MTREX: variants seen among roughly 807,000 people sequenced by gnomAD.
The protein encoded by MTREX is exosome RNA helicase MTR4.
A neutral mutation model predicts 135.4 loss-of-function variants in MTREX; 76 were observed. The ratio of observed to expected loss-of-function variants is 0.56; its 90% CI spans 0.47 to 0.68. MTREX has a LOEUF of 0.68. Ranked by LOEUF, MTREX falls within the 30% of genes least tolerant of loss-of-function variation. The probability of loss-of-function intolerance (pLI) is 0.00; values close to 1 mark genes in which losing one functional copy is unlikely to be tolerated. For synonymous variants in MTREX, 404 were observed against 401.6 expected (o/e 1.01, Z -0.07); for missense variants, 920 against 1,262.1 (o/e 0.73, Z 4.11).
chr5:55,378,619 AT>A, intron 17 of MTREX, 133 bp downstream of exon 17: 2 of 1,067,248 alleles, frequency 1.9e-6, no homozygotes, highest in Non-Finnish European at 2.6e-6. Flanking sequence ...TAATCATATT[AT>A]TTTACCTGTT....
At chr5:55,373,560 A>G (rs1263048509) in intron 16 of MTREX, among the ~76,000 whole-genome samples, 4 of 152,064 alleles carry the variant, frequency 2.6e-5, no homozygotes, top group Admixed American at 2.0e-4. Context: ...TTTTTTATCT[A>G]TTTTTAAAAA....
At chr5:55,353,141 T>C in intron 13 of MTREX, 27 bp from the exon 14 acceptor site, 1 of 1,455,996 alleles carries the variant, frequency 6.9e-7, no homozygotes, top group East Asian at 2.4e-5. Context: ...AATACATGTT[T>C]AATTATAGAA....
intron 1 of MTREX, among the ~76,000 whole-genome samples, chr5:55,321,758 G>T (rs900436606): frequency 3.3e-5 from 5 of 151,900 alleles, no homozygotes; most frequent in African/African-American, 1.2e-4. Context: ...ACAGGCATGC[G>T]CCATCATACC....
At chr5:55,387,538 T>C (rs1750497656) in intron 18 of MTREX, among the ~76,000 whole-genome samples, 1 of 152,122 alleles carries the variant, frequency 6.6e-6, no homozygotes, top group African/African-American at 2.4e-5. Flanking sequence ...TTCAGAATTA[T>C]AGTTTTATTA....
chr5:55,410,206 T>C (rs1041148579), intron 22 of MTREX, among the ~76,000 whole-genome samples: 1 of 152,038 alleles, frequency 6.6e-6, no homozygotes, highest in African/African-American at 2.4e-5. Flanking sequence ...ATTAAAAGAG[T>C]CCTTTGGCCC....
In MTREX at chr5:55,344,546, T is replaced by G; in HGVS notation, c.931T>G (p.Tyr311Asp). 6.2e-7 allele frequency: 1 copy of G among 1,611,174 alleles called. No individual in the cohort carries two copies. Among genetic ancestry groups the G allele is most frequent in the Non-Finnish European group, 8.5e-7 (1 of 1,177,744 alleles). The change falls in exon 9 of 27, where the codon TAT becomes GAT. Residue 311 changes from tyrosine (Y) to aspartate (D), a missense_variant. Tyr to Asp is a radical substitution (Grantham distance 160). Around this residue, in one of 6 missense-constraint regions of MTREX, gnomAD observed 88 missense variants for 202.5 expected, o/e 0.43. Transcript: ENST00000230640. ...KQPCHVIYTDYRPTPLQHYIF... is the reference protein window; with the variant it reads ...KQPCHVIYTDDRPTPLQHYIF... The stretch of plus-strand genomic sequence containing the variant: ...GCCTTGTCATGTTATTTACACAGAT[T>G]ATCGGCCCACTCCATTGCAACACTA...
chr5:55,338,154 T>C (rs1749584067), intron 5 of MTREX, among the ~76,000 whole-genome samples: 1 of 152,134 alleles, frequency 6.6e-6, no homozygotes, highest in East Asian at 1.9e-4. Context: ...ACATACATAG[T>C]CTTAATTGTT....
chr5:55,346,994 T>C lies in MTREX; in HGVS notation c.1109-19T>C. The C allele has an allele frequency of 6.3e-7, 1 of 1,591,372 alleles. No homozygotes were observed. The highest frequency in any genetic ancestry group is 8.5e-7 in the Non-Finnish European group (1 of 1,171,376). ...TCTATTTTGAGTTAATTTTGGTGTGTTGTTTACTGTTTTTGCAGGACCATC... is the reference window on the plus strand; with the variant it reads ...TCTATTTTGAGTTAATTTTGGTGTGCTGTTTACTGTTTTTGCAGGACCATC... On this transcript the variant is annotated intron_variant, in intron 10 of 26. Coordinates refer to ENST00000230640, the MANE Select transcript of MTREX (RefSeq NM_015360.5).
Position 55,424,736 on chromosome 5 carries a change from G to T in MTREX, c.3093G>T (p.Lys1031Asn). ...TTCTCTTAGGAATCACCAAAATCAA[G>T]AGAGATATTGTGTTTGCTGCCAGCC... ...NKFAEGITKI[K>N]RDIVFAASLY... Residue 1031 changes from lysine to asparagine, a missense_variant, in exon 27 of 27, where the codon AAG becomes AAT. Lys to Asn is a moderately conservative substitution (Grantham distance 94, BLOSUM62 0). Around this residue, in one of 6 missense-constraint regions of MTREX, gnomAD observed 467 missense variants for 589.7 expected, o/e 0.79. Coordinates refer to ENST00000230640, the MANE Select transcript of MTREX (RefSeq NM_015360.5). The T allele has an allele frequency of 6.2e-7, 1 of 1,612,252 alleles. No individual in the cohort carries two copies. Among genetic ancestry groups the T allele is most frequent in the South Asian group, 1.1e-5 (1 of 91,012 alleles).
chr5:55,328,218 C>T (rs62359232), intron 4 of MTREX, among the ~76,000 whole-genome samples: 19,507 of 151,970 alleles, frequency 0.13, 1,484 homozygotes, highest in East Asian at 0.26. Flanking sequence ...ATAAAAAAGG[C>T]GGTATGGTAG....
intron 5 of MTREX, among the ~76,000 whole-genome samples, chr5:55,337,016 A>C (rs986295005): frequency 6.6e-6 from 1 of 152,216 alleles, no homozygotes; most frequent in African/African-American, 2.4e-5. Flanking sequence ...AGAATTTACT[A>C]GTGAAGCCAT....
chr5:55,336,949 T>G (rs181159948), intron 5 of MTREX, among the ~76,000 whole-genome samples: 1 of 152,346 alleles, frequency 6.6e-6, no homozygotes, highest in East Asian at 1.9e-4. Flanking sequence ...TAGTGTTGCC[T>G]CCTGGTCTGT....
At chr5:55,377,227 T>TGAAGCAG (rs761945247) in intron 16 of MTREX, among the ~76,000 whole-genome samples, 101 of 151,974 alleles carry the variant, frequency 6.6e-4, no homozygotes, top group Non-Finnish European at 1.2e-3. Flanking sequence ...CTCGGGAGGC[T>TGAAGCAG]GAAGCAGGAG....
chr5:55,312,147 TTC>T (rs1227580808), intron 1 of MTREX, among the ~76,000 whole-genome samples: 1 of 152,172 alleles, frequency 6.6e-6, no homozygotes, highest in Non-Finnish European at 1.5e-5. Context: ...AGTGGCGATT[TTC>T]TGTTTTTATC....
chr5:55,376,389 C>A (rs1342594262), intron 16 of MTREX, among the ~76,000 whole-genome samples: 1 of 152,100 alleles, frequency 6.6e-6, no homozygotes, highest in African/African-American at 2.4e-5. Flanking sequence ...CATTGATTTG[C>A]CAATTTTTGA....
chr5:55,363,823 A>G (rs1418557834), intron 15 of MTREX, among the ~76,000 whole-genome samples: 2 of 152,192 alleles, frequency 1.3e-5, no homozygotes, highest in African/African-American at 4.8e-5. Flanking sequence ...GAGACAGAAA[A>G]CTGTTATGAA....
At chr5:55,385,201 G>A (rs1023361784) in intron 18 of MTREX, among the ~76,000 whole-genome samples, 6 of 152,206 alleles carry the variant, frequency 3.9e-5, no homozygotes, top group African/African-American at 1.2e-4. Flanking sequence ...TGCTTTAGAA[G>A]CAGGGGCATA....
At chr5:55,375,882 C>T (rs566565720) in intron 16 of MTREX, among the ~76,000 whole-genome samples, 4 of 152,300 alleles carry the variant, frequency 2.6e-5, no homozygotes, top group South Asian at 2.1e-4. Context: ...CTGGTCCCTC[C>T]GTTTGGGGTC....
At chr5:55,360,148 T>A (rs1387287461) in intron 15 of MTREX, among the ~76,000 whole-genome samples, 2 of 152,212 alleles carry the variant, frequency 1.3e-5, no homozygotes, top group African/African-American at 4.8e-5. Flanking sequence ...TTGCTTTCTG[T>A]CTCTATGGAT....
Sources: allele counts gnomAD v4.1 joint callset (sites outside exome capture counted in the v4.1 genomes callset), GRCh38; gene constraint gnomAD v4.1.1; regional missense constraint gnomAD v4.1.1; transcripts MANE v1.5; gene names NCBI Gene and HGNC (gene_info 2026-07-23, HGNC 2026-07-21).